CSMD3: variants seen among roughly 807,000 people sequenced by gnomAD.
CSMD3 encodes CUB and sushi domain-containing protein 3.
CSMD3 carries 177 observed loss-of-function variants against 435.2 expected under a neutral mutation model. The observed-to-expected ratio is 0.41, with a 90% CI of 0.36 to 0.46. The LOEUF (loss-of-function observed/expected upper bound fraction) is 0.46. Ranked by LOEUF, CSMD3 falls within the 20% of genes least tolerant of loss-of-function variation. CSMD3 has a pLI of 0.34. For synonymous variants in CSMD3, 1,656 were observed against 1,520.5 expected (o/e 1.09, Z -2.07); for missense variants, 4,265 against 4,504.6 (o/e 0.95, Z 1.52).
At chr8:112,327,664 C>T (rs1216134703) in intron 45 of CSMD3, among the ~76,000 whole-genome samples, 5 of 152,042 alleles carry the variant, frequency 3.3e-5, no homozygotes, top group East Asian at 1.9e-4. Context: ...CTGACATGCC[C>T]CACCAACTTT....
In CSMD3 at chr8:112,247,092, G is replaced by A. The variant is rs2130157197; in HGVS notation, c.10150C>T (p.Leu3384Phe). The change falls in exon 64 of 71, where the codon CTT becomes TTT. Residue 3384 changes from leucine to phenylalanine, a missense_variant. This residue lies in a region of CSMD3 where 3,255 missense variants were observed against 3,380.2 expected (regional missense o/e 0.96). Transcript: ENST00000297405. ...GTGCGTGTTGTAGACCCTTGGAGAA[G>A]GTGTCCTTTTTTGCAATGGAACTGT... ...VVQFHCKKGHLLQGSTTRTCL... is the reference protein window; with the variant it reads ...VVQFHCKKGHFLQGSTTRTCL... The A allele has an allele frequency of 6.2e-7, 1 of 1,613,726 alleles. No homozygotes were observed. Among genetic ancestry groups the A allele is most frequent in the Non-Finnish European group, 8.5e-7 (1 of 1,179,844 alleles).
chr8:113,426,337 A>G (rs563847543), intron 1 of CSMD3, among the ~76,000 whole-genome samples: 1 of 151,576 alleles, frequency 6.6e-6, no homozygotes, highest in African/African-American at 2.4e-5. Context: ...TTTAAAGCTT[A>G]TATTTTTAAA....
At chr8:113,270,783 C>T (rs2093517406) in intron 3 of CSMD3, among the ~76,000 whole-genome samples, 1 of 149,758 alleles carries the variant, frequency 6.7e-6, no homozygotes, top group Non-Finnish European at 1.5e-5. Context: ...AATGACAACA[C>T]TTGGACACAG....
At chr8:113,227,092 G>GC (rs2093036880) in intron 3 of CSMD3, among the ~76,000 whole-genome samples, 1 of 151,232 alleles carries the variant, frequency 6.6e-6, no homozygotes, top group African/African-American at 2.4e-5. Flanking sequence ...TCTTCCTTTT[G>GC]TACACACTTT....
At chr8:113,017,076 C>G (rs1450047346) in intron 6 of CSMD3, among the ~76,000 whole-genome samples, 1 of 151,938 alleles carries the variant, frequency 6.6e-6, no homozygotes, top group Admixed American at 6.6e-5. Flanking sequence ...ATTTTCTTAA[C>G]CACTGCATTT....
intron 1 of CSMD3, among the ~76,000 whole-genome samples, chr8:113,427,540 T>G (rs909257685): frequency 2.6e-5 from 4 of 151,082 alleles, no homozygotes; most frequent in Non-Finnish European, 4.4e-5. Context: ...AAAAGTACAC[T>G]GGACAGGTAA....
Position 113,030,436 on chromosome 8 carries a change from A to ATAT in CSMD3, c.918-11258_918-11257insATA, listed in dbSNP as rs1293925866. Among the ~76,000 whole-genome samples the ATAT allele has an allele frequency of 2.6e-3, 389 of 149,598 alleles. 5 individuals are homozygous for ATAT. Among genetic ancestry groups the ATAT allele is most frequent in the African/African-American group, 8.7e-3 (359 of 41,190 alleles). On this transcript the variant is annotated intron_variant, in intron 5 of 70. Coordinates refer to ENST00000297405, the MANE Select transcript of CSMD3 (RefSeq NM_198123.2). ...TACTGGTAAAAAAAAAAAAAAAAAA[A>ATAT]AAAAAAAAAGATAAGCATGTAGGCC...
At position 112,640,048 on chromosome 8, in the gene CSMD3, G is replaced by T. The variant is rs986755447; in HGVS notation, c.3311-1137C>A. 1.2e-4 allele frequency among the ~76,000 whole-genome samples: 18 copies of T among 152,088 alleles called. 1 individual carries two copies. Among genetic ancestry groups the T allele is most frequent in the African/African-American group, 4.1e-4 (17 of 41,412 alleles). On this transcript the variant is annotated intron_variant, in intron 20 of 70. Transcript: ENST00000297405. ...TTACATCTCCATAGACAACATGGTT[G>T]CTCCGTATCTTCTCCAATACTTGAA...
At chr8:113,410,742 A>C (rs1465333670) in intron 1 of CSMD3, among the ~76,000 whole-genome samples, 1 of 8,718 alleles carries the variant, frequency 1.1e-4, no homozygotes, top group Non-Finnish European at 1.6e-4. Context: ...TCTGTACTGG[A>C]AAAAAAAAAA....
At chr8:113,295,897 C>A (rs906143711) in intron 2 of CSMD3, among the ~76,000 whole-genome samples, 7 of 152,106 alleles carry the variant, frequency 4.6e-5, no homozygotes, top group Non-Finnish European at 1.0e-4. Flanking sequence ...GGAACCTACC[C>A]AAATGTCCAA....
intron 4 of CSMD3, among the ~76,000 whole-genome samples, chr8:113,121,818 A>C (rs1255041014): frequency 6.6e-6 from 1 of 152,300 alleles, no homozygotes; most frequent in Non-Finnish European, 1.5e-5. Context: ...CAAAAGAATT[A>C]TAACTAAAGT....
chr8:112,862,159 T>C (rs1459635875), intron 10 of CSMD3, among the ~76,000 whole-genome samples: 2 of 152,012 alleles, frequency 1.3e-5, no homozygotes, highest in Non-Finnish European at 2.9e-5. Flanking sequence ...CAATCACCTG[T>C]AAATATTTTG....
chr8:113,411,616 C>T (rs1190326880), intron 1 of CSMD3, among the ~76,000 whole-genome samples: 2 of 152,170 alleles, frequency 1.3e-5, no homozygotes, highest in Middle Eastern at 6.8e-3. Context: ...GGACCCAATC[C>T]TTATTAAATC....
intron 47 of CSMD3, among the ~76,000 whole-genome samples, chr8:112,317,836 C>G (rs1251811668): frequency 2.0e-5 from 3 of 151,968 alleles, no homozygotes; most frequent in Non-Finnish European, 4.4e-5. Context: ...TTACTTTAGA[C>G]TTGTTATAGC....
chr8:112,671,459 A>G (rs143628967), intron 16 of CSMD3, among the ~76,000 whole-genome samples: 1 of 152,170 alleles, frequency 6.6e-6, no homozygotes, highest in East Asian at 1.9e-4. Context: ...CCTACCCCCT[A>G]ACATGCTCCA....
intron 6 of CSMD3, among the ~76,000 whole-genome samples, chr8:113,017,368 C>A (rs2086503764): frequency 6.6e-6 from 1 of 151,982 alleles, no homozygotes; most frequent in Non-Finnish European, 1.5e-5. Context: ...ACAACCCTAT[C>A]TGAAGGTACC....
chr8:112,977,618 C>G (rs765027880), intron 6 of CSMD3, among the ~76,000 whole-genome samples: 15 of 151,948 alleles, frequency 9.9e-5, no homozygotes, highest in Middle Eastern at 3.2e-3. Context: ...CCTGATTCTT[C>G]CAGGTTGAGT....
At chr8:112,927,237 A>C (rs1192956051) in intron 9 of CSMD3, among the ~76,000 whole-genome samples, 1 of 152,122 alleles carries the variant, frequency 6.6e-6, no homozygotes, top group Non-Finnish European at 1.5e-5. Context: ...GTATTGCAGA[A>C]ATTTTGAAAA....
chr8:112,625,086 G>T (rs560903465), intron 22 of CSMD3, among the ~76,000 whole-genome samples: 1 of 152,130 alleles, frequency 6.6e-6, no homozygotes, highest in Non-Finnish European at 1.5e-5. Flanking sequence ...TGATATCCTT[G>T]AAATTTTACC....
Sources: gnomAD v4.1 joint callset for allele counts (sites outside exome capture counted in the v4.1 genomes callset) on GRCh38, gnomAD v4.1.1 for gene constraint, gnomAD v4.1.1 regional missense constraint, MANE v1.5 for transcripts, NCBI Gene and HGNC (gene_info 2026-07-23, HGNC 2026-07-21) for gene names.